CENPP: variants seen among roughly 807,000 people sequenced by gnomAD.
The protein encoded by CENPP is centromere protein P.
In CENPP, 24 loss-of-function variants were observed where a neutral mutation model predicts 35.6. That is an observed-to-expected ratio of 0.67 (90% CI 0.49 to 0.95). The LOEUF (loss-of-function observed/expected upper bound fraction) is 0.95. Ranked by LOEUF, CENPP falls within the 40% of genes least tolerant of loss-of-function variation. The pLI, the probability that CENPP is intolerant of heterozygous loss-of-function variation, is 0.00. For synonymous variants in CENPP, 120 were observed against 125.5 expected (o/e 0.96, Z 0.29); for missense variants, 332 against 345.3 (o/e 0.96, Z 0.31).
chr9:92,464,964 A>G, intron 5 of CENPP: 1 of 1,614,012 alleles, frequency 6.2e-7, no homozygotes, highest in Non-Finnish European at 8.5e-7. Context: ...CTGATATGGA[A>G]CACCGTCACC....
chr9:92,417,342 G>T (rs1361897696), intron 5 of CENPP: 1 of 1,614,020 alleles, frequency 6.2e-7, no homozygotes, highest in East Asian at 2.2e-5. Flanking sequence ...ATTGATGATG[G>T]AAAGTTAGTT....
At chr9:92,612,336 C>T (rs1000486208) in intron 6 of CENPP, among the ~76,000 whole-genome samples, 187 bp from the exon 7 acceptor site, 2 of 152,218 alleles carry the variant, frequency 1.3e-5, no homozygotes, top group African/African-American at 4.8e-5. Flanking sequence ...GGGGACAGAG[C>T]AGCACCTTCC....
intron 5 of CENPP, among the ~76,000 whole-genome samples, chr9:92,545,216 G>T (rs1194674021): frequency 6.6e-6 from 1 of 151,922 alleles, no homozygotes; most frequent in African/African-American, 2.4e-5. Flanking sequence ...GCCGGAGCCG[G>T]CTCGGACCTG....
At chr9:92,529,756 G>A (rs2131274620) in intron 5 of CENPP, among the ~76,000 whole-genome samples, 1 of 152,194 alleles carries the variant, frequency 6.6e-6, no homozygotes, top group Non-Finnish European at 1.5e-5. Flanking sequence ...TTCTAGAAAG[G>A]GCAAAACTAT....
intron 2 of CENPP, among the ~76,000 whole-genome samples, chr9:92,337,224 A>G (rs889408520): frequency 1.3e-5 from 2 of 152,196 alleles, no homozygotes; most frequent in African/African-American, 2.4e-5. Context: ...AGGCTGAGGC[A>G]GGAGAATTGC....
At chr9:92,401,096 A>G (rs753063823) in intron 5 of CENPP, 29 of 1,411,580 alleles carry the variant, frequency 2.1e-5, no homozygotes, top group South Asian at 8.3e-5. Context: ...ACTTACCATC[A>G]TTTTCTTTCT....
intron 4 of CENPP, among the ~76,000 whole-genome samples, chr9:92,350,389 ACT>A (rs1462548861): frequency 4.6e-5 from 7 of 152,308 alleles, no homozygotes; most frequent in African/African-American, 1.4e-4. Context: ...TATATGGAAA[ACT>A]CTTATGTGCT....
chr9:92,379,719 C>G (rs377479211), intron 4 of CENPP, 44 bp from the exon 5 acceptor site: 28 of 1,398,268 alleles, frequency 2.0e-5, no homozygotes, highest in Middle Eastern at 1.8e-4. Context: ...TTGGGTCTAT[C>G]ATTTAATGAT....
chr9:92,611,471 T>A, intron 6 of CENPP, 78 bp downstream of exon 6: 1 of 1,127,532 alleles, frequency 8.9e-7, no homozygotes, highest in Non-Finnish European at 1.3e-6. Flanking sequence ...CTAAGTAGGA[T>A]TCTAAGTAGT....
intron 5 of CENPP, among the ~76,000 whole-genome samples, chr9:92,603,341 CTTTGTA>C (rs1365433834): frequency 6.6e-6 from 1 of 152,220 alleles, no homozygotes; most frequent in African/African-American, 2.4e-5. Context: ...ACAGAGGTGC[CTTTGTA>C]TTTGTCAGTT....
chr9:92,416,022 A>G (rs1564308955), intron 5 of CENPP, among the ~76,000 whole-genome samples: 2 of 140,918 alleles, frequency 1.4e-5, no homozygotes, highest in African/African-American at 5.1e-5. Context: ...GAGAATATAT[A>G]TTTTTTATAT....
chr9:92,453,640 T>C (rs1844783581), intron 5 of CENPP, among the ~76,000 whole-genome samples: 1 of 152,106 alleles, frequency 6.6e-6, no homozygotes, highest in Non-Finnish European at 1.5e-5. Flanking sequence ...ACAATAATAA[T>C]GGGAGACTTT....
In CENPP at chr9:92,438,418, C is replaced by G. The variant is rs543726449; in HGVS notation, c.564+58559C>G. Among the ~76,000 whole-genome samples the G allele has an allele frequency of 2.2e-3, 334 of 152,298 alleles. 1 individual carries two copies. Among genetic ancestry groups the G allele is most frequent in the South Asian group, 8.9e-3 (43 of 4,820 alleles). The stretch of plus-strand genomic sequence containing the variant: ...TTTGTTTCTGATCCTCAGTTCTGTT[C>G]TATTGCTCTATGTGTCTGCCTTATA... On this transcript the variant is annotated intron_variant, in intron 5 of 7. Transcript: ENST00000375587.
intron 5 of CENPP, among the ~76,000 whole-genome samples, chr9:92,436,988 A>G (rs143797119): frequency 0.031 from 4,702 of 152,054 alleles, 110 homozygotes; most frequent in South Asian, 0.084. Flanking sequence ...TCACTTGAGG[A>G]CAGGAGTTTG....
At chr9:92,572,517 T>A (rs1850169342) in intron 5 of CENPP, among the ~76,000 whole-genome samples, 1 of 152,202 alleles carries the variant, frequency 6.6e-6, no homozygotes, top group Admixed American at 6.5e-5. Context: ...TGGCTGCTCT[T>A]AACATTTTTT....
At chr9:92,517,888 A>G in intron 5 of CENPP, 1 of 1,613,232 alleles carries the variant, frequency 6.2e-7, no homozygotes, top group Non-Finnish European at 8.5e-7. Context: ...AGAAGAAAAC[A>G]AAAGCACAAA....
intron 5 of CENPP, among the ~76,000 whole-genome samples, chr9:92,518,632 C>T (rs1847877033): frequency 6.6e-6 from 1 of 152,178 alleles, no homozygotes; most frequent in African/African-American, 2.4e-5. Context: ...CACGGTGGCT[C>T]ATGCCTGTAA....
intron 2 of CENPP, among the ~76,000 whole-genome samples, chr9:92,333,035 G>A (rs964393661): frequency 6.6e-5 from 10 of 152,186 alleles, no homozygotes; most frequent in Non-Finnish European, 1.0e-4. Flanking sequence ...GCACTGACAT[G>A]AAAGCTGCCA....
chr9:92,488,948 T>C (rs573889056), intron 5 of CENPP, among the ~76,000 whole-genome samples: 225 of 152,288 alleles, frequency 1.5e-3, no homozygotes, highest in African/African-American at 4.8e-3. Flanking sequence ...AAGGAAAAAA[T>C]ATGCTAGACT....
Sources: allele counts gnomAD v4.1 joint callset (sites outside exome capture counted in the v4.1 genomes callset), GRCh38; gene constraint gnomAD v4.1.1; transcripts MANE v1.5; gene names NCBI Gene and HGNC (gene_info 2026-07-23, HGNC 2026-07-21).